NRXN3: variants seen among roughly 807,000 people sequenced by gnomAD.
The protein encoded by NRXN3 is neurexin 3.
In NRXN3, 32 loss-of-function variants were observed where a neutral mutation model predicts 137.6. That is an observed-to-expected ratio of 0.23 (90% CI 0.18 to 0.31). The LOEUF (loss-of-function observed/expected upper bound fraction) is 0.31, where lower values mean the gene tolerates loss of function less well. Among genes scored for constraint, NRXN3 ranks in the 10% least tolerant of loss-of-function variants. The probability of loss-of-function intolerance (pLI) is 1.00; values close to 1 mark genes in which losing one functional copy is unlikely to be tolerated. For missense variants in NRXN3, 1,574 were observed against 2,062.5 expected (o/e 0.76, Z 4.59); for synonymous variants, 798 against 784.5 (o/e 1.02, Z -0.29).
At chr14:78,597,871 G>A (rs1025580947) in intron 4 of NRXN3, among the ~76,000 whole-genome samples, 4 of 152,174 alleles carry the variant, frequency 2.6e-5, no homozygotes, top group African/African-American at 9.7e-5. Context: ...TGATGACCAC[G>A]GCTAGTTGAT....
chr14:79,775,828 A>G (rs1438372546), intron 19 of NRXN3, among the ~76,000 whole-genome samples: 1 of 152,206 alleles, frequency 6.6e-6, no homozygotes, highest in Non-Finnish European at 1.5e-5. Context: ...TCTTGGTTCT[A>G]GATCTATCAT....
chr14:78,921,475 G>A (rs1014842613), intron 10 of NRXN3, among the ~76,000 whole-genome samples: 4 of 152,206 alleles, frequency 2.6e-5, no homozygotes, highest in African/African-American at 9.6e-5. Flanking sequence ...GAGGAGGAAG[G>A]AGGTGCTGGG....
chr14:79,198,933 G>A (rs1347821108), intron 15 of NRXN3, among the ~76,000 whole-genome samples: 2 of 152,152 alleles, frequency 1.3e-5, no homozygotes, highest in African/African-American at 4.8e-5. Context: ...TTGGGAGGCC[G>A]AGAAAGGCGG....
chr14:78,554,933 TC>T, intron 4 of NRXN3, among the ~76,000 whole-genome samples: 1 of 152,228 alleles, frequency 6.6e-6, no homozygotes, highest in South Asian at 2.1e-4. Flanking sequence ...CCCTTCCAAA[TC>T]CCTTATGCAG....
chr14:79,839,441 A>T (rs1009478442), intron 20 of NRXN3, among the ~76,000 whole-genome samples: 5 of 152,178 alleles, frequency 3.3e-5, no homozygotes, highest in African/African-American at 1.2e-4. Context: ...GTGTGAAAGA[A>T]AATGACACAG....
chr14:79,667,408 A>G (rs146015958), intron 17 of NRXN3, among the ~76,000 whole-genome samples: 96 of 152,148 alleles, frequency 6.3e-4, no homozygotes, highest in African/African-American at 2.2e-3. Flanking sequence ...CCTGCCTACA[A>G]GGTCTGAATG....
intron 14 of NRXN3, among the ~76,000 whole-genome samples, chr14:78,986,117 C>T (rs535461052): frequency 1.1e-4 from 17 of 152,232 alleles, no homozygotes; most frequent in African/African-American, 3.1e-4. Context: ...TTTGAACATG[C>T]GTCTTTAGGA....
intron 19 of NRXN3, among the ~76,000 whole-genome samples, chr14:79,776,730 G>C (rs569241340): frequency 6.6e-6 from 1 of 152,252 alleles, no homozygotes; most frequent in South Asian, 2.1e-4. Flanking sequence ...AGGCTAAAAG[G>C]GACAGAGCAG....
chr14:78,269,459 A>C (rs1288574712), intron 2 of NRXN3, among the ~76,000 whole-genome samples: 2 of 152,210 alleles, frequency 1.3e-5, no homozygotes, highest in African/African-American at 4.8e-5. Context: ...AAAGGGAATT[A>C]GTTTTAATAG....
rs183569849 is a variant in NRXN3 at position 79,759,887 on chromosome 14, C to T, written c.4015-45225C>T. On this transcript the variant is annotated intron_variant, in intron 19 of 20. Coordinates refer to ENST00000335750, the MANE Select transcript of NRXN3 (RefSeq NM_001330195.2). ...TCTATATGACATTTGAATGGGGTCA[C>T]GTGGGAAGACAAGATCTGTCTGTAT... 5.3e-5 allele frequency among the ~76,000 whole-genome samples: 8 copies of T among 151,580 alleles called. No individual in the cohort carries two copies. In the East Asian group the frequency reaches 1.2e-3, roughly 22 times the overall value.
At chr14:78,446,479 A>T (rs1356309904) in intron 4 of NRXN3, among the ~76,000 whole-genome samples, 1 of 151,738 alleles carries the variant, frequency 6.6e-6, no homozygotes, top group Non-Finnish European at 1.5e-5. Flanking sequence ...TGTAAGGTAT[A>T]CTTCATACTT....
chr14:78,869,031 T>G (rs1209474627), intron 10 of NRXN3, among the ~76,000 whole-genome samples: 1 of 151,874 alleles, frequency 6.6e-6, no homozygotes, highest in Non-Finnish European at 1.5e-5. Context: ...CAGAAATGAG[T>G]CATTTTAATA....
intron 4 of NRXN3, among the ~76,000 whole-genome samples, chr14:78,556,252 A>G (rs2096735960): frequency 6.6e-6 from 1 of 152,214 alleles, no homozygotes; most frequent in Non-Finnish European, 1.5e-5. Flanking sequence ...TCTATTATGC[A>G]ACTCATGCCA....
intron 1 of NRXN3, among the ~76,000 whole-genome samples, chr14:78,218,196 GA>G (rs897525459): frequency 6.7e-5 from 10 of 149,092 alleles, no homozygotes; most frequent in African/African-American, 1.7e-4. Context: ...TGTCTCTACA[GA>G]AAAAAAAAAG....
At chr14:78,793,162 G>A (rs1041654738) in intron 8 of NRXN3, among the ~76,000 whole-genome samples, 1 of 151,842 alleles carries the variant, frequency 6.6e-6, no homozygotes, top group African/African-American at 2.4e-5. Flanking sequence ...CATTAATTAT[G>A]TACTCACAAA....
chr14:79,004,269 T>C (rs1272296085), intron 15 of NRXN3, among the ~76,000 whole-genome samples: 1 of 151,846 alleles, frequency 6.6e-6, no homozygotes, highest in Non-Finnish European at 1.5e-5. Flanking sequence ...CTTTCTTTCT[T>C]TTTTTTTAGA....
chr14:79,037,681 AGT>A (rs2099618328), intron 15 of NRXN3, among the ~76,000 whole-genome samples: 3 of 152,074 alleles, frequency 2.0e-5, no homozygotes. Context: ...CTCCTAAAAG[AGT>A]GTGTCATTTT....
At chr14:79,568,174 G>A (rs1054644655) in intron 16 of NRXN3, among the ~76,000 whole-genome samples, 3 of 152,124 alleles carry the variant, frequency 2.0e-5, no homozygotes, top group Non-Finnish European at 2.9e-5. Context: ...TGAAGGAAGC[G>A]AGATTACTCT....
At chr14:78,871,071 A>G (rs1003080042) in intron 10 of NRXN3, among the ~76,000 whole-genome samples, 2 of 147,470 alleles carry the variant, frequency 1.4e-5, no homozygotes, top group Middle Eastern at 3.4e-3. Flanking sequence ...TCTTTTGGAT[A>G]TATACCCAGA....
Sources: gnomAD v4.1 joint callset for allele counts (sites outside exome capture counted in the v4.1 genomes callset) on GRCh38, gnomAD v4.1.1 for gene constraint, MANE v1.5 for transcripts, NCBI Gene and HGNC (gene_info 2026-07-23, HGNC 2026-07-21) for gene names.